BCAR3: variants seen among roughly 807,000 people sequenced by gnomAD.
BCAR3 encodes the protein BCAR3 adaptor protein, NSP family member.
A neutral mutation model predicts 80.1 loss-of-function variants in BCAR3; 37 were observed. The observed-to-expected ratio is 0.46, with a 90% confidence interval of 0.36 to 0.61. The LOEUF (loss-of-function observed/expected upper bound fraction) is 0.61, where lower values mean the gene tolerates loss of function less well. Ranked by LOEUF, BCAR3 falls within the 20% of genes least tolerant of loss-of-function variation. The probability of loss-of-function intolerance (pLI) is 0.00; values close to 1 mark genes in which losing one functional copy is unlikely to be tolerated. For synonymous variants in BCAR3, 389 were observed against 418.9 expected, an observed-to-expected ratio of 0.93 and a Z score of 0.87; for missense variants, 978 against 1,068.2, an observed-to-expected ratio of 0.92 and a Z score of 1.18.
chr1:93,807,296 T>C (rs1653687385), intron 2 of BCAR3, among the ~76,000 whole-genome samples: 1 of 151,914 alleles, frequency 6.6e-6, no homozygotes, highest in Admixed American at 6.6e-5. Context: ...CAAGGATCAC[T>C]GAGGGGGAAA....
At chr1:93,709,165 G>T (rs184128541) in intron 2 of BCAR3, among the ~76,000 whole-genome samples, 1 of 152,222 alleles carries the variant, frequency 6.6e-6, no homozygotes, top group Admixed American at 6.5e-5. Context: ...CTGCAAAAGA[G>T]AAGAACGAGG....
chr1:93,749,171 G>T (rs61781050), intron 2 of BCAR3, among the ~76,000 whole-genome samples: 1 of 151,794 alleles, frequency 6.6e-6, no homozygotes, highest in African/African-American at 2.4e-5. Flanking sequence ...TGTGGTAATT[G>T]CATATTAATC....
At chr1:93,664,616 T>C (rs897175775) in intron 2 of BCAR3, among the ~76,000 whole-genome samples, 1 of 152,198 alleles carries the variant, frequency 6.6e-6, no homozygotes, top group Non-Finnish European at 1.5e-5. Flanking sequence ...TAATACACAG[T>C]GGTACTGGTT....
chr1:93,675,508 C>G (rs1009373069), intron 1 of BCAR3, among the ~76,000 whole-genome samples: 1 of 152,122 alleles, frequency 6.6e-6, no homozygotes, highest in Non-Finnish European at 1.5e-5. Context: ...GGGTCAGGGT[C>G]AGGAGGTGGG....
upstream of BCAR3, among the ~76,000 whole-genome samples, chr1:93,685,771 C>T (rs551793204): frequency 2.0e-5 from 3 of 152,244 alleles, no homozygotes; most frequent in South Asian, 4.2e-4. Flanking sequence ...CCTATTTCCC[C>T]ACAGCTTGGC....
chr1:93,725,085 G>A (rs1650534044), intron 2 of BCAR3, among the ~76,000 whole-genome samples: 1 of 152,160 alleles, frequency 6.6e-6, no homozygotes, highest in Admixed American at 6.5e-5. Context: ...CACAGCACTC[G>A]TCGCTTCCCA....
At chr1:93,738,228 A>G (rs954026217) in intron 2 of BCAR3, among the ~76,000 whole-genome samples, 2 of 152,216 alleles carry the variant, frequency 1.3e-5, no homozygotes, top group African/African-American at 2.4e-5. Context: ...TCTTCAAAGT[A>G]GGGACAATAT....
At chr1:93,610,944 A>G (rs1674930191) in intron 3 of BCAR3, among the ~76,000 whole-genome samples, 1 of 151,818 alleles carries the variant, frequency 6.6e-6, no homozygotes, top group Non-Finnish European at 1.5e-5. Flanking sequence ...AAAGAGCACT[A>G]GGCTTCAGCC....
intron 2 of BCAR3, among the ~76,000 whole-genome samples, chr1:93,660,097 CG>C (rs1647581826): frequency 6.6e-6 from 1 of 151,734 alleles, no homozygotes; most frequent in Non-Finnish European, 1.5e-5. Flanking sequence ...CTCTAATACG[CG>C]GAAGACCTAG....
chr1:93,651,255 G>A (rs11578517), intron 2 of BCAR3, among the ~76,000 whole-genome samples: 2,987 of 152,224 alleles, frequency 0.02, 55 homozygotes, highest in Non-Finnish European at 0.029. Context: ...ACAGCCAGAG[G>A]GACCTACGGG....
At chr1:93,774,433 G>C (rs539722716) in intron 2 of BCAR3, among the ~76,000 whole-genome samples, 1 of 149,750 alleles carries the variant, frequency 6.7e-6, no homozygotes, top group Non-Finnish European at 1.5e-5. Flanking sequence ...GCAGTGAGCC[G>C]AGATCGGACC....
Position 93,799,807 on chromosome 1 carries a change from A to AGTCCAGGTATATTGACAGCTG in BCAR3, c.-63+45739_-63+45759dup, listed in dbSNP as rs1296820404. On this transcript the variant is annotated intron_variant, in intron 2 of 13. Coordinates refer to the BCAR3 transcript ENST00000370244. ...TTCCAGTATAACCTTGAGGCATAAC[A>AGTCCAGGTATATTGACAGCTG]GTCCAGGTATATTGACAGCTGTTCC... Among the ~76,000 whole-genome samples the AGTCCAGGTATATTGACAGCTG allele has an allele frequency of 1.4e-4, 21 of 152,380 alleles. 1 individual carries two copies. The East Asian group carries it at 4.0e-3, about 29-fold the overall frequency.
chr1:93,812,572 C>T (rs11165007), intron 2 of BCAR3, among the ~76,000 whole-genome samples: 19,138 of 152,154 alleles, frequency 0.13, 1,806 homozygotes, highest in African/African-American at 0.25. Context: ...CTTAGAAGGC[C>T]CTCCTCTACC....
In BCAR3 at chr1:93,674,839, C is replaced by T; in HGVS notation, c.92G>A (p.Arg31Lys). The stretch of plus-strand genomic sequence containing the variant: ...TGGGCGATGCTCAGCGAGAGGGGAC[C>T]TGCTGCTCAGAAGGTCCATGGATGA... ...LASSMDLLSS[R>K]SPLAEHRPDA... Residue 31 changes from arginine (R) to lysine (K), a missense_variant, in exon 2 of 12, where the codon AGG becomes AAG. Transcript: ENST00000260502. 1 of 1,603,872 alleles carries T rather than the reference C, an allele frequency of 6.2e-7. No homozygotes were observed. The highest frequency in any genetic ancestry group is 8.5e-7 in the Non-Finnish European group (1 of 1,176,104).
chr1:93,651,731 C>T (rs1676331579), intron 2 of BCAR3, among the ~76,000 whole-genome samples: 1 of 152,160 alleles, frequency 6.6e-6, no homozygotes, highest in African/African-American at 2.4e-5. Flanking sequence ...AACACTGAGG[C>T]TACAAAAAGG....
At chr1:93,675,925 C>CAAAAAAAAAAAAAAAAAAAAAAAGAAAA (rs1648459665) in intron 1 of BCAR3, among the ~76,000 whole-genome samples, 1 of 51,434 alleles carries the variant, frequency 1.9e-5, no homozygotes, top group Non-Finnish European at 4.2e-5. Flanking sequence ...AAATAGGAGA[C>CAAAAAAAAAAAAAAAAAAAAAAAGAAAA]AAAAAAAAAA....
At chr1:93,732,858 C>T (rs1650840208) in intron 2 of BCAR3, among the ~76,000 whole-genome samples, 1 of 152,210 alleles carries the variant, frequency 6.6e-6, no homozygotes, top group Non-Finnish European at 1.5e-5. Context: ...ACCTTTGATA[C>T]AGACTGAGAA....
chr1:93,728,749 C>A, intron 2 of BCAR3, among the ~76,000 whole-genome samples: 1 of 152,286 alleles, frequency 6.6e-6, no homozygotes, highest in Middle Eastern at 3.4e-3. Context: ...CTCTTGACAT[C>A]GAGCCACTTG....
At chr1:93,624,725 T>C (rs757566288) in intron 3 of BCAR3, among the ~76,000 whole-genome samples, 3 of 152,248 alleles carry the variant, frequency 2.0e-5, no homozygotes, top group Non-Finnish European at 4.4e-5. Flanking sequence ...TGTGCATGCA[T>C]ATTTCTAGAG....
Sources: allele counts gnomAD v4.1 joint callset (sites outside exome capture counted in the v4.1 genomes callset), GRCh38; gene constraint gnomAD v4.1.1; transcripts MANE v1.5; gene names NCBI Gene and HGNC (gene_info 2026-07-23, HGNC 2026-07-21).